SUGCT: variants seen among roughly 807,000 people sequenced by gnomAD.
SUGCT encodes the protein succinyl-CoA:glutarate-CoA transferase.
Under a neutral mutation model 55.0 loss-of-function variants are expected in SUGCT, and 41 were observed. That is an observed-to-expected ratio of 0.74 (90% CI 0.58 to 0.97). SUGCT has a LOEUF of 0.97. Among genes scored for constraint, SUGCT ranks in the 50% least tolerant of loss-of-function variants. The probability of loss-of-function intolerance (pLI) is 0.00; values close to 1 mark genes in which losing one functional copy is unlikely to be tolerated. For missense variants in SUGCT, 568 were observed against 547.8 expected (o/e 1.04, Z -0.37); for synonymous variants, 187 against 200.4 (o/e 0.93, Z 0.56).
At chr7:40,460,097 T>G (rs1267303792) in intron 11 of SUGCT, among the ~76,000 whole-genome samples, 1 of 152,212 alleles carries the variant, frequency 6.6e-6, no homozygotes, top group East Asian at 1.9e-4. Context: ...TACATCAAAG[T>G]TATAAGAACT....
At chr7:40,173,735 C>G (rs975188772) in intron 1 of SUGCT, among the ~76,000 whole-genome samples, 1 of 151,902 alleles carries the variant, frequency 6.6e-6, no homozygotes, top group Non-Finnish European at 1.5e-5. Context: ...CTTAGTTGGA[C>G]TAGGAAATCC....
intron 12 of SUGCT, among the ~76,000 whole-genome samples, chr7:40,693,773 T>C (rs1178986282): frequency 6.6e-6 from 1 of 152,232 alleles, no homozygotes; most frequent in Non-Finnish European, 1.5e-5. Flanking sequence ...CATTAGCTGG[T>C]ATTTATTTCT....
intron 8 of SUGCT, among the ~76,000 whole-genome samples, chr7:40,277,693 T>TTATTAG (rs1239636289): frequency 1.3e-5 from 2 of 149,362 alleles, no homozygotes; most frequent in African/African-American, 2.4e-5. Context: ...ATTATTATTA[T>TTATTAG]TATTATTATT....
the SUGCT span, among the ~76,000 whole-genome samples, chr7:40,900,108 G>A: frequency 6.6e-6 from 1 of 152,222 alleles, no homozygotes; most frequent in Non-Finnish European, 1.5e-5. Context: ...TCTGGGAAGA[G>A]CCGATGACCG....
chr7:40,813,649 G>T (rs1791531448), intron 13 of SUGCT, among the ~76,000 whole-genome samples: 1 of 152,080 alleles, frequency 6.6e-6, no homozygotes, highest in Admixed American at 6.6e-5. Flanking sequence ...GATGACAATA[G>T]ATGGATGGGT....
intron 13 of SUGCT, among the ~76,000 whole-genome samples, chr7:40,765,976 A>G (rs1368732856): frequency 2.6e-5 from 4 of 152,226 alleles, no homozygotes; most frequent in African/African-American, 9.6e-5. Context: ...CATATATGAA[A>G]GGAAATGTCA....
intron 13 of SUGCT, among the ~76,000 whole-genome samples, chr7:40,819,505 C>T (rs1280043736): frequency 6.6e-6 from 1 of 152,142 alleles, no homozygotes; most frequent in African/African-American, 2.4e-5. Flanking sequence ...TCTCTGATGG[C>T]CAGTGATGCT....
intron 12 of SUGCT, among the ~76,000 whole-genome samples, chr7:40,514,818 G>A (rs1008887906): frequency 6.6e-6 from 1 of 151,650 alleles, no homozygotes; most frequent in Admixed American, 6.6e-5. Context: ...TACTTTTCAG[G>A]TATTAAGGAA....
At chr7:40,191,740 C>T (rs1785921109) in intron 5 of SUGCT, among the ~76,000 whole-genome samples, 1 of 152,170 alleles carries the variant, frequency 6.6e-6, no homozygotes, top group Non-Finnish European at 1.5e-5. Context: ...AGTTATGTAT[C>T]TTACTATCTA....
At chr7:40,664,322 C>G (rs1285942980) in intron 12 of SUGCT, among the ~76,000 whole-genome samples, 2 of 152,158 alleles carry the variant, frequency 1.3e-5, no homozygotes, top group African/African-American at 4.8e-5. Context: ...AAACATGGAG[C>G]TAGAGTGCTT....
rs1018196998 is a variant in SUGCT at position 40,143,553 on chromosome 7, G to A, written c.100+8433G>A. Among the ~76,000 whole-genome samples, 5 of 152,328 alleles carry A rather than the reference G, an allele frequency of 3.3e-5. No homozygotes were observed. The East Asian group carries it at 7.7e-4, about 24-fold the overall frequency. On this transcript the variant is annotated intron_variant, in intron 1 of 13. Coordinates refer to ENST00000335693, the MANE Select transcript of SUGCT (RefSeq NM_001193313.2). ...GGGACAGTCTGGGCCTCTGGCCTGC[G>A]GTGCGCACAAGCATAACAATTGCTT...
intron 8 of SUGCT, among the ~76,000 whole-genome samples, chr7:40,280,452 G>A (rs1415790610): frequency 6.6e-6 from 1 of 152,134 alleles, no homozygotes; most frequent in Non-Finnish European, 1.5e-5. Flanking sequence ...AAGTTTTAAT[G>A]TCCTTACTGT....
At chr7:40,174,946 G>A (rs1238571154) in intron 1 of SUGCT, among the ~76,000 whole-genome samples, 2 of 152,006 alleles carry the variant, frequency 1.3e-5, no homozygotes, top group Non-Finnish European at 2.9e-5. Flanking sequence ...GTTTTCCAAT[G>A]TGGTGAGAAA....
At chr7:40,458,942 A>G (rs1027706066) in intron 10 of SUGCT, among the ~76,000 whole-genome samples, 159 bp from the exon 11 acceptor site, 1 of 152,174 alleles carries the variant, frequency 6.6e-6, no homozygotes, top group Admixed American at 6.5e-5. Flanking sequence ...GTTCCATCCT[A>G]ATCGTGTGCT....
At chr7:40,837,583 T>TATC (rs1793053012) in intron 13 of SUGCT, among the ~76,000 whole-genome samples, 2 of 152,106 alleles carry the variant, frequency 1.3e-5, no homozygotes, top group Non-Finnish European at 1.5e-5. Context: ...TGAGTTATTT[T>TATC]ATTATTATTA....
chr7:40,163,824 A>ATTT (rs774642100), intron 1 of SUGCT, among the ~76,000 whole-genome samples: 1 of 141,320 alleles, frequency 7.1e-6, no homozygotes, highest in Non-Finnish European at 1.6e-5. Flanking sequence ...TTTGAATTGA[A>ATTT]TTTTTTTTTT....
intron 8 of SUGCT, among the ~76,000 whole-genome samples, chr7:40,297,638 A>G (rs1385033477): frequency 6.6e-6 from 1 of 152,222 alleles, no homozygotes; most frequent in Admixed American, 6.5e-5. Flanking sequence ...GGTGAAAATC[A>G]GTACACTGAA....
chr7:40,135,234 T>C (rs1584131439), intron 1 of SUGCT, 114 bp downstream of exon 1: 9 of 1,291,912 alleles, frequency 7.0e-6, no homozygotes, highest in Middle Eastern at 4.2e-4. Context: ...CCCTTAGCGG[T>C]GGCTTTGCTC....
chr7:40,501,834 GC>G (rs1792297327), intron 12 of SUGCT, among the ~76,000 whole-genome samples: 1 of 152,078 alleles, frequency 6.6e-6, no homozygotes, highest in South Asian at 2.1e-4. Flanking sequence ...AATGCTCTGA[GC>G]ATTTCTAATA....
Sources: gnomAD v4.1 joint callset for allele counts (sites outside exome capture counted in the v4.1 genomes callset) on GRCh38, gnomAD v4.1.1 for gene constraint, MANE v1.5 for transcripts, NCBI Gene and HGNC (gene_info 2026-07-23, HGNC 2026-07-21) for gene names.